The following MAGI1 variants were observed in gnomAD, a reference collection of about 807,000 sequenced individuals.
The protein encoded by MAGI1 is membrane-associated guanylate kinase, WW and PDZ domain-containing protein 1.
A neutral mutation model predicts 139.9 loss-of-function variants in MAGI1; 58 were observed. The ratio of observed to expected loss-of-function variants is 0.41; its 90% CI spans 0.34 to 0.52. The LOEUF is 0.52. Ranked by LOEUF, MAGI1 falls within the 20% of genes least tolerant of loss-of-function variation. The pLI is 0.12. For synonymous variants in MAGI1, 812 were observed against 737.9 expected, an observed-to-expected ratio of 1.10 and a Z score of -1.63; for missense variants, 1,874 against 1,901.6, an observed-to-expected ratio of 0.99 and a Z score of 0.27.
chr3:65,726,318 G>C (rs1000502329), intron 1 of MAGI1, among the ~76,000 whole-genome samples: 2 of 152,094 alleles, frequency 1.3e-5, no homozygotes, highest in Non-Finnish European at 2.9e-5. Flanking sequence ...TGACAAAATG[G>C]AAGTCTAGGA....
At chr3:65,988,565 A>C (rs1182551728) in intron 1 of MAGI1, among the ~76,000 whole-genome samples, 1 of 152,212 alleles carries the variant, frequency 6.6e-6, no homozygotes, top group Non-Finnish European at 1.5e-5. Context: ...AACAAAGAAC[A>C]CAATGAGATA....
intron 5 of MAGI1, among the ~76,000 whole-genome samples, chr3:65,454,668 G>C (rs189847319): frequency 2.0e-5 from 3 of 151,020 alleles, no homozygotes; most frequent in African/African-American, 7.3e-5. Context: ...TTGGGAGTTG[G>C]CAGGGAAGAG....
chr3:65,905,891 C>G (rs2061415417), intron 1 of MAGI1, among the ~76,000 whole-genome samples: 1 of 152,200 alleles, frequency 6.6e-6, no homozygotes, highest in Admixed American at 6.5e-5. Flanking sequence ...GACTTTTCAT[C>G]TGACAGATTT....
intron 1 of MAGI1, among the ~76,000 whole-genome samples, chr3:65,901,287 A>G (rs924808111): frequency 6.6e-5 from 10 of 152,238 alleles, no homozygotes; most frequent in African/African-American, 2.4e-4. Flanking sequence ...GGAATCCACC[A>G]TGCAGGCCCA....
At position 65,644,467 on chromosome 3, in the gene MAGI1, G is replaced by A. The variant is rs150895963; in HGVS notation, c.314-22379C>T. Reference sequence around the variant, plus strand: ...ACATAGCAGGGCAGGAAGCTAAGACGAGCAGATTTCTTGAGCTCAGGAGGT... The same window carrying A: ...ACATAGCAGGGCAGGAAGCTAAGACAAGCAGATTTCTTGAGCTCAGGAGGT... On this transcript the variant is annotated intron_variant, in intron 1 of 22. Coordinates refer to ENST00000402939, the MANE Select transcript of MAGI1 (RefSeq NM_001033057.2). 3.6e-3 allele frequency among the ~76,000 whole-genome samples: 539 copies of A among 149,054 alleles called. 6 individuals carry two copies. The highest frequency in any genetic ancestry group is 0.013 in the African/African-American group (518 of 40,590).
chr3:66,024,598 G>A (rs1162850632), intron 1 of MAGI1, among the ~76,000 whole-genome samples: 1 of 152,046 alleles, frequency 6.6e-6, no homozygotes, highest in Non-Finnish European at 1.5e-5. Context: ...CCTGAGGTCG[G>A]GAGTTCAAGA....
At chr3:65,752,544 G>C (rs1024919337) in intron 1 of MAGI1, among the ~76,000 whole-genome samples, 2 of 152,140 alleles carry the variant, frequency 1.3e-5, no homozygotes. Context: ...TATAATCTCA[G>C]AGGTATAATT....
chr3:65,581,722 A>G (rs2081432938), intron 2 of MAGI1, among the ~76,000 whole-genome samples: 1 of 152,210 alleles, frequency 6.6e-6, no homozygotes, highest in Non-Finnish European at 1.5e-5. Flanking sequence ...CCATCAGCAT[A>G]CCCAATACCC....
chr3:65,516,869 A>G (rs1017026365), intron 2 of MAGI1, among the ~76,000 whole-genome samples: 11 of 142,134 alleles, frequency 7.7e-5, no homozygotes, highest in African/African-American at 2.1e-4. Flanking sequence ...CTGGGACTAC[A>G]GGCGCCCGCC....
rs768012585 is a variant in MAGI1, at chr3:65,364,865, G to T, written c.3278C>A (p.Thr1093Asn). 6.2e-6 allele frequency: 10 copies of T among 1,613,836 alleles called. No individual in the cohort carries two copies. The African/African-American group carries it at 9.3e-5, about 15-fold the overall frequency. Residue 1093 changes from threonine (T) to asparagine (N), a missense_variant, in exon 19 of 23, where the codon ACC (threonine) becomes AAC (asparagine). Physicochemically the swap from Thr to Asn is moderately conservative, Grantham distance 65 (BLOSUM62 0). Coordinates refer to ENST00000402939, the MANE Select transcript of MAGI1 (RefSeq NM_001033057.2). ...TTTHTPSQQGTQETRNTTKPK... is the reference protein window; with the variant it reads ...TTTHTPSQQGNQETRNTTKPK... ...AGTCATGTCTGACCTTGTCTCCTGG[G>T]TCCCTTGCTGAGAAGGGGTGTGTGT... is the stretch of plus-strand genomic sequence containing the variant.
At chr3:65,875,868 C>T (rs934144127) in intron 1 of MAGI1, among the ~76,000 whole-genome samples, 28 of 152,172 alleles carry the variant, frequency 1.8e-4, no homozygotes, top group Non-Finnish European at 3.8e-4. Context: ...CTGTTATCCT[C>T]ATTGCACAGA....
intron 7 of MAGI1, among the ~76,000 whole-genome samples, chr3:65,445,708 G>A (rs1948634987): frequency 6.6e-6 from 1 of 152,138 alleles, no homozygotes; most frequent in South Asian, 2.1e-4. Flanking sequence ...CAGAGGACGT[G>A]ATAAATTCTG....
chr3:65,819,875 C>CAAAAAAAAAAAAAAAAAAAAAAAAAAAAA lies in MAGI1; in HGVS notation c.314-197788_314-197787insTTTTTTTTTTTTTTTTTTTTTTTTTTTTT, dbSNP rs3077818. ...CTAGCCACAGAGCAAGACTCCATCT[C>CAAAAAAAAAAAAAAAAAAAAAAAAAAAAA]AAAAAAAAAAAAAAAAAAAAAAGGA... On this transcript the variant is annotated intron_variant, in intron 1 of 22. Coordinates refer to ENST00000402939, the MANE Select transcript of MAGI1 (RefSeq NM_001033057.2). Among the ~76,000 whole-genome samples, 33 of 33,472 alleles carry CAAAAAAAAAAAAAAAAAAAAAAAAAAAAA rather than the reference C, an allele frequency of 9.9e-4. 3 individuals are homozygous for CAAAAAAAAAAAAAAAAAAAAAAAAAAAAA. The highest frequency in any genetic ancestry group is 1.8e-3 in the East Asian group (2 of 1,124). 22.0% of individuals were successfully genotyped at this position (33,472 alleles called of 152,430 possible).
intron 1 of MAGI1, chr3:65,720,199 T>C (rs1243778492): frequency 6.6e-6 from 1 of 152,182 alleles, no homozygotes; most frequent in Non-Finnish European, 1.5e-5. Flanking sequence ...TCCATCTCTT[T>C]TTTTTAATGT....
intron 2 of MAGI1, among the ~76,000 whole-genome samples, chr3:65,530,798 T>G (rs1213278684): frequency 1.1e-5 from 1 of 89,090 alleles, no homozygotes; most frequent in Non-Finnish European, 2.0e-5. Context: ...CACGTATATA[T>G]ATATATACAC....
At position 66,007,286 on chromosome 3, in the gene MAGI1, T is replaced by C. The variant is rs556082908; in HGVS notation, c.313+30710A>G. ...TTATCAGTTCTATCTCATTGTCTCCTTTAAGCCCCACGGCGATCCTATCTT... is the reference window on the plus strand; with the variant it reads ...TTATCAGTTCTATCTCATTGTCTCCCTTAAGCCCCACGGCGATCCTATCTT... On this transcript the variant is annotated intron_variant, in intron 1 of 22. Coordinates refer to ENST00000402939, the MANE Select transcript of MAGI1 (RefSeq NM_001033057.2). Among the ~76,000 whole-genome samples, 6 of 152,354 alleles carry C rather than the reference T, an allele frequency of 3.9e-5. No individual in the cohort carries two copies. In the South Asian group the frequency reaches 1.2e-3, roughly 32 times the overall value.
chr3:65,451,225 T>A (rs973377891), intron 6 of MAGI1, among the ~76,000 whole-genome samples: 3 of 152,260 alleles, frequency 2.0e-5, no homozygotes, highest in African/African-American at 7.2e-5. Context: ...GTAAAAGCTA[T>A]TGCAGTATTC....
intron 10 of MAGI1, among the ~76,000 whole-genome samples, chr3:65,435,251 A>G (rs1199663142): frequency 1.3e-5 from 2 of 149,192 alleles, no homozygotes; most frequent in African/African-American, 5.2e-5. Context: ...GATATAAGGA[A>G]ATAAGGAAGA....
At chr3:65,713,446 A>G (rs1318082414) in intron 1 of MAGI1, among the ~76,000 whole-genome samples, 1 of 152,198 alleles carries the variant, frequency 6.6e-6, no homozygotes, top group African/African-American at 2.4e-5. Context: ...TTTTAAAAAA[A>G]GAAAAAAAAG....
Sources: allele counts gnomAD v4.1 joint callset (sites outside exome capture counted in the v4.1 genomes callset), GRCh38; gene constraint gnomAD v4.1.1; transcripts MANE v1.5; gene names NCBI Gene and HGNC (gene_info 2026-07-23, HGNC 2026-07-21).